The following NPFFR2 variants were observed in gnomAD, a reference collection of about 807,000 sequenced individuals.
NPFFR2 encodes neuropeptide FF receptor 2.
NPFFR2 carries 15 observed loss-of-function variants against 13.1 expected under a neutral mutation model. That is an observed-to-expected ratio of 1.15 (90% CI 0.77 to 1.76). The LOEUF (loss-of-function observed/expected upper bound fraction) is 1.76, where lower values mean the gene tolerates loss of function less well. Ranked by LOEUF, NPFFR2 falls within the 40% of genes most tolerant of loss-of-function variation. NPFFR2 has a pLI of 0.00. For missense variants in NPFFR2, 572 were observed against 503.5 expected, an observed-to-expected ratio of 1.14 and a Z score of -1.30; for synonymous variants, 190 against 175.7, an observed-to-expected ratio of 1.08 and a Z score of -0.65.
intron 2 of NPFFR2, among the ~76,000 whole-genome samples, chr4:72,133,927 A>G (rs1373932584): frequency 1.4e-5 from 2 of 141,406 alleles, no homozygotes; most frequent in South Asian, 2.2e-4. Flanking sequence ...TGTCCCATAC[A>G]TATTTTAAAT....
intron 1 of NPFFR2, among the ~76,000 whole-genome samples, chr4:72,122,340 C>T (rs7686252): frequency 1 from 152,182 of 152,214 alleles, 76,075 homozygotes; most frequent in Non-Finnish European, 1. Context: ...ATTAGACAGA[C>T]TGATGAGACA....
At chr4:72,110,903 A>C (rs1721548581) in intron 1 of NPFFR2, among the ~76,000 whole-genome samples, 1 of 151,970 alleles carries the variant, frequency 6.6e-6, no homozygotes, top group African/African-American at 2.4e-5. Context: ...CTTTCTGGTG[A>C]CTTTGTGAAC....
At chr4:72,077,281 C>T (rs1317592827) in intron 1 of NPFFR2, among the ~76,000 whole-genome samples, 1 of 152,104 alleles carries the variant, frequency 6.6e-6, no homozygotes, top group Non-Finnish European at 1.5e-5. Flanking sequence ...AAACTTACCA[C>T]AAGAAAATTT....
At chr4:72,075,997 ACACACACACAGAGAGAGAGAGAGG>A (rs1353944574) in intron 1 of NPFFR2, among the ~76,000 whole-genome samples, 44 of 17,600 alleles carry the variant, frequency 2.5e-3, no homozygotes, top group African/African-American at 3.3e-3. Context: ...ACACACACAC[ACACACACACAGAGAGAGAGAGAGG>A]GCAGACAGCA....
intron 1 of NPFFR2, among the ~76,000 whole-genome samples, chr4:72,066,876 C>T (rs1720086810): frequency 6.6e-6 from 1 of 152,124 alleles, no homozygotes; most frequent in Non-Finnish European, 1.5e-5. Context: ...TGGGTGCCTA[C>T]AGCTCTCCCA....
intron 1 of NPFFR2, among the ~76,000 whole-genome samples, chr4:72,112,112 A>G (rs1721582282): frequency 6.6e-6 from 1 of 151,992 alleles, no homozygotes; most frequent in Admixed American, 6.6e-5. Flanking sequence ...TTTCAGACTC[A>G]ATGACTTTAT....
At chr4:72,129,156 CAG>C (rs1722159893) in intron 2 of NPFFR2, among the ~76,000 whole-genome samples, 1 of 152,020 alleles carries the variant, frequency 6.6e-6, no homozygotes, top group Admixed American at 6.6e-5. Flanking sequence ...ATAATAGAAA[CAG>C]AAAGTGGAGG....
At chr4:72,142,309 G>A (rs913485027) in intron 3 of NPFFR2, among the ~76,000 whole-genome samples, 1 of 152,100 alleles carries the variant, frequency 6.6e-6, no homozygotes, top group Admixed American at 6.6e-5. Context: ...TGGCGAGAGT[G>A]TCCCGATTTT....
intron 1 of NPFFR2, among the ~76,000 whole-genome samples, chr4:72,087,943 A>C (rs1720813508): frequency 6.6e-6 from 1 of 152,068 alleles, no homozygotes; most frequent in Non-Finnish European, 1.5e-5. Context: ...ATCCCCCCAA[A>C]AATAGCCATG....
chr4:72,124,320 G>C (rs1209423551), intron 1 of NPFFR2, among the ~76,000 whole-genome samples: 1 of 152,098 alleles, frequency 6.6e-6, no homozygotes, highest in African/African-American at 2.4e-5. Flanking sequence ...TGGCCTTCCT[G>C]ACAAAAGTAT....
At chr4:72,096,207 C>A (rs79226254) in intron 1 of NPFFR2, among the ~76,000 whole-genome samples, 4,410 of 152,040 alleles carry the variant, frequency 0.029, 174 homozygotes, top group African/African-American at 0.09. Flanking sequence ...ATAAAATGAA[C>A]GGTACCAGGT....
chr4:72,115,325 A>G (rs1329186072), intron 1 of NPFFR2, among the ~76,000 whole-genome samples: 1 of 152,168 alleles, frequency 6.6e-6, no homozygotes, highest in African/African-American at 2.4e-5. Context: ...TATCCCTAAC[A>G]CTGTATGAAA....
intron 1 of NPFFR2, among the ~76,000 whole-genome samples, chr4:72,126,356 G>T (rs1578472353): frequency 6.6e-6 from 1 of 152,200 alleles, no homozygotes; most frequent in African/African-American, 2.4e-5. Flanking sequence ...CACACCAACA[G>T]TGTGGGGAGG....
intron 3 of NPFFR2, among the ~76,000 whole-genome samples, chr4:72,139,472 C>T (rs574010000): frequency 6.6e-6 from 1 of 152,326 alleles, no homozygotes; most frequent in South Asian, 2.1e-4. Context: ...CAGCTTTCCA[C>T]ATATGGCTAG....
intron 1 of NPFFR2, among the ~76,000 whole-genome samples, chr4:72,111,742 GA>G (rs1721573990): frequency 6.6e-6 from 1 of 151,964 alleles, no homozygotes; most frequent in African/African-American, 2.4e-5. Context: ...CGGAAAAAGG[GA>G]ACATTCTCTA....
At chr4:72,143,791 C>G (rs545093009) in intron 3 of NPFFR2, among the ~76,000 whole-genome samples, 1 of 152,256 alleles carries the variant, frequency 6.6e-6, no homozygotes, top group South Asian at 2.1e-4. Flanking sequence ...GTCTTAGTTC[C>G]TAAGCAGAAC....
chr4:72,096,854 T>C (rs1451917417), intron 1 of NPFFR2, among the ~76,000 whole-genome samples: 1 of 152,060 alleles, frequency 6.6e-6, no homozygotes, highest in African/African-American at 2.4e-5. Context: ...AATACCCTGA[T>C]AAGCTCATTG....
Position 72,060,293 on chromosome 4 carries a change from G to T in NPFFR2, c.-8+28093G>T, listed in dbSNP as rs187388311. ...CATTAGAATAAGCACACCCATCTTT[G>T]TCTGGCAGTTAAGTGTCTGTCTGTC... On this transcript the variant is annotated intron_variant, in intron 1 of 3. Transcript: ENST00000308744. Among the ~76,000 whole-genome samples the T allele has an allele frequency of 2.5e-3, 387 of 152,006 alleles. 2 individuals are homozygous for T. The highest frequency in any genetic ancestry group is 9.0e-3 in the African/African-American group (375 of 41,476).
chr4:72,089,714 T>C (rs1336401823), intron 1 of NPFFR2, among the ~76,000 whole-genome samples: 2 of 152,168 alleles, frequency 1.3e-5, no homozygotes, highest in Non-Finnish European at 2.9e-5. Flanking sequence ...AGATTCTGGA[T>C]ATTAGTCCCT....
Sources: gnomAD v4.1 joint callset for allele counts (sites outside exome capture counted in the v4.1 genomes callset) on GRCh38, gnomAD v4.1.1 for gene constraint, MANE v1.5 for transcripts, NCBI Gene and HGNC (gene_info 2026-07-23, HGNC 2026-07-21) for gene names.